The following CNGA3 variants were observed in gnomAD, a reference collection of about 807,000 sequenced individuals.
CNGA3 encodes cyclic nucleotide gated channel subunit alpha 3, also known as cyclic nucleotide-gated channel alpha-3.
Under a neutral mutation model 46.6 loss-of-function variants are expected in CNGA3, and 42 were observed. The ratio of observed to expected loss-of-function variants is 0.90; its 90% CI spans 0.70 to 1.17. The LOEUF is 1.17. CNGA3 is among the 50% of genes most tolerant of loss of function. The pLI is 0.00. For missense variants in CNGA3, 893 were observed against 890.7 expected (o/e 1.00, Z -0.03); for synonymous variants, 394 against 369.4 (o/e 1.07, Z -0.76).
chr2:98,377,828 T>A, intron 3 of CNGA3, 28 bp downstream of exon 3: 2 of 1,584,284 alleles, frequency 1.3e-6, no homozygotes, highest in Non-Finnish European at 1.7e-6. Flanking sequence ...GTCCCTACCT[T>A]GGCCTGGGGG....
chr2:98,354,483 T>C (rs940028698), intron 1 of CNGA3, among the ~76,000 whole-genome samples: 4 of 152,256 alleles, frequency 2.6e-5, no homozygotes, highest in Admixed American at 2.0e-4. Flanking sequence ...GAGTTCTTTA[T>C]ATCTTGTGGA....
intron 3 of CNGA3, chr2:98,378,164 G>A (rs1692453359): frequency 1.3e-6 from 2 of 1,550,710 alleles, no homozygotes. Flanking sequence ...GGATGGTGGT[G>A]ATGAGTCTGA....
Position 98,346,487 on chromosome 2 carries a change from C to G in CNGA3, c.-85C>G, listed in dbSNP as rs1558799411. 1 of 398,398 alleles carries G rather than the reference C, an allele frequency of 2.5e-6. No homozygotes were observed. 24.7% of individuals were successfully genotyped at this position (398,398 alleles called of 1,614,324 possible). Reference sequence around the variant, plus strand: ...GCGCCTAGGAGGCCGAGGGAGGAGGCGCTCCGCAGACCCTGGCGCGCCGCG... The same window carrying G: ...GCGCCTAGGAGGCCGAGGGAGGAGGGGCTCCGCAGACCCTGGCGCGCCGCG... On this transcript the variant is annotated 5_prime_UTR_variant, in exon 1 of 8. Transcript: ENST00000272602.
chr2:98,388,826 A>G (rs950880722), intron 5 of CNGA3, among the ~76,000 whole-genome samples: 2 of 152,110 alleles, frequency 1.3e-5, no homozygotes, highest in Admixed American at 6.6e-5. Flanking sequence ...TCAGTGAGTG[A>G]CCTTGCACTT....
In CNGA3 at chr2:98,391,979, G is replaced by GCCCCAGGCCATGGTCCCCT; in HGVS notation, c.673+18_673+19insATGGTCCCCTCCCCAGGCC. On this transcript the variant is annotated intron_variant, in intron 7 of 7. Coordinates refer to ENST00000272602, the MANE Select transcript of CNGA3 (RefSeq NM_001298.3). ...TGTACGAGCTCGGACAGGTGAGTGT[G>GCCCCAGGCCATGGTCCCCT]CCCCAGGCCTGGGGAGGGGACCATG... 1 of 1,612,366 alleles carries GCCCCAGGCCATGGTCCCCT rather than the reference G, an allele frequency of 6.2e-7. No individual in the cohort carries two copies. The highest frequency in any genetic ancestry group is 8.5e-7 in the Non-Finnish European group (1 of 1,179,024).
chr2:98,384,078 G>C (rs748502659), intron 5 of CNGA3, among the ~76,000 whole-genome samples: 1 of 151,726 alleles, frequency 6.6e-6, no homozygotes, highest in Non-Finnish European at 1.5e-5. Context: ...TAGTAGAGAG[G>C]GGGGGTTTCA....
chr2:98,356,740 GAACA>G (rs1235901710), intron 1 of CNGA3, among the ~76,000 whole-genome samples: 1 of 152,214 alleles, frequency 6.6e-6, no homozygotes, highest in African/African-American at 2.4e-5. Flanking sequence ...AGAAGACAGA[GAACA>G]AACAAACTGA....
chr2:98,366,912 G>A (rs13419199), intron 1 of CNGA3, among the ~76,000 whole-genome samples: 20,745 of 152,062 alleles, frequency 0.14, 1,608 homozygotes, highest in Non-Finnish European at 0.18. Context: ...CTGATCTGTG[G>A]ATAGCACAGA....
intron 1 of CNGA3, among the ~76,000 whole-genome samples, chr2:98,348,515 G>A (rs75663144): frequency 0.026 from 4,002 of 152,236 alleles, 166 homozygotes; most frequent in African/African-American, 0.091. Flanking sequence ...GGAGTGGGGC[G>A]GGGACGGCAG....
chr2:98,357,123 T>C (rs1399643563), intron 1 of CNGA3, among the ~76,000 whole-genome samples: 1 of 152,172 alleles, frequency 6.6e-6, no homozygotes, highest in African/African-American at 2.4e-5. Context: ...GAATAAAATG[T>C]TTTTTAGGTA....
intron 5 of CNGA3, 115 bp from the exon 6 acceptor site, chr2:98,389,543 G>C (rs1692735086): frequency 2.2e-6 from 2 of 901,658 alleles, no homozygotes; most frequent in Admixed American, 3.4e-5. Context: ...AGAGGACCCT[G>C]TTGTGGACAG....
intron 3 of CNGA3, among the ~76,000 whole-genome samples, chr2:98,378,965 T>C (rs550349136): frequency 2.6e-5 from 4 of 152,338 alleles, no homozygotes; most frequent in African/African-American, 7.2e-5. Context: ...CATGTGACCA[T>C]GAGTTGAAAC....
intron 1 of CNGA3, among the ~76,000 whole-genome samples, chr2:98,360,512 G>A (rs562994480): frequency 6.6e-6 from 1 of 152,216 alleles, no homozygotes; most frequent in African/African-American, 2.4e-5. Context: ...CCACTTGACT[G>A]TCAGCTCCTG....
At chr2:98,389,433 C>T (rs989317677) in intron 5 of CNGA3, among the ~76,000 whole-genome samples, 2 of 152,206 alleles carry the variant, frequency 1.3e-5, no homozygotes, top group Admixed American at 6.5e-5. Context: ...CGACCGTGAC[C>T]TCCTGGGACT....
chr2:98,378,496 G>C (rs1369328363), intron 3 of CNGA3, among the ~76,000 whole-genome samples: 2 of 152,162 alleles, frequency 1.3e-5, no homozygotes, highest in Non-Finnish European at 2.9e-5. Flanking sequence ...CAATGCCAGA[G>C]TCTTACATAG....
rs1558820514 is a variant in CNGA3, at chr2:98,396,511, C to G, written c.1341C>G (p.Asn447Lys). The change falls in exon 8 of 8, where the codon AAC (asparagine) becomes AAG (lysine). Residue 447 changes from asparagine (N) to lysine (K), a missense_variant. This residue lies in a region of CNGA3 where 548 missense variants were observed against 570.8 expected (regional missense o/e 0.96). Transcript: ENST00000272602. ...GGTGGTTTGACTACCTGTGGGCCAA[C>G]AAGAAGACGGTGGATGAGAAGGAGG... is the stretch of plus-strand genomic sequence containing the variant. Reference protein sequence around the residue: ...VIRWFDYLWANKKTVDEKEVL... With the variant: ...VIRWFDYLWAKKKTVDEKEVL... 1 of 1,613,866 alleles carries G rather than the reference C, an allele frequency of 6.2e-7. No homozygotes were observed.
At chr2:98,374,420 G>A (rs1692359338) in intron 2 of CNGA3, among the ~76,000 whole-genome samples, 1 of 152,152 alleles carries the variant, frequency 6.6e-6, no homozygotes, top group Admixed American at 6.5e-5. Context: ...CACGTGGGAG[G>A]GAAGCTCCAG....
At chr2:98,389,978 A>G (rs951244420) in intron 6 of CNGA3, among the ~76,000 whole-genome samples, 3 of 152,128 alleles carry the variant, frequency 2.0e-5, no homozygotes, top group Non-Finnish European at 4.4e-5. Context: ...TGGGTGGGGA[A>G]TTGAGCTTCA....
intron 1 of CNGA3, among the ~76,000 whole-genome samples, chr2:98,362,496 GTT>G (rs200865101): frequency 1.3e-5 from 2 of 151,058 alleles, no homozygotes; most frequent in African/African-American, 2.4e-5. Flanking sequence ...ACTTTTTAAT[GTT>G]GTTTTTTTTT....
Sources: allele counts gnomAD v4.1 joint callset (sites outside exome capture counted in the v4.1 genomes callset), GRCh38; gene constraint gnomAD v4.1.1; regional missense constraint gnomAD v4.1.1; transcripts MANE v1.5; gene names NCBI Gene and HGNC (gene_info 2026-07-23, HGNC 2026-07-21).